PADI4: variants seen among roughly 807,000 people sequenced by gnomAD.
The protein encoded by PADI4 is protein-arginine deiminase type-4.
A neutral mutation model predicts 75.0 loss-of-function variants in PADI4; 62 were observed. The observed-to-expected ratio is 0.83, with a 90% CI of 0.67 to 1.02. The LOEUF is 1.02. PADI4 is among the 50% of genes least tolerant of loss of function. The pLI, the probability that PADI4 is intolerant of heterozygous loss-of-function variation, is 0.00. For synonymous variants in PADI4, 361 were observed against 348.1 expected (o/e 1.04, Z -0.41); for missense variants, 845 against 850.5 (o/e 0.99, Z 0.08).
At chr1:17,339,953 AGAC>A (rs2074385549) in intron 6 of PADI4, 140 bp downstream of exon 6, 2 of 854,588 alleles carry the variant, frequency 2.3e-6, no homozygotes, top group East Asian at 2.7e-5. Flanking sequence ...TGGGCAAGAC[AGAC>A]GACATCTCGT....
chr1:17,342,204 TG>T, intron 7 of PADI4, 83 bp downstream of exon 7: 1 of 1,477,022 alleles, frequency 6.8e-7, no homozygotes, highest in Non-Finnish European at 9.4e-7. Flanking sequence ...AGAGCCCAGC[TG>T]GGCAGGGGGA....
At chr1:17,347,314 A>G (rs1250965030) in intron 9 of PADI4, among the ~76,000 whole-genome samples, 1 of 152,136 alleles carries the variant, frequency 6.6e-6, no homozygotes, top group African/African-American at 2.4e-5. Flanking sequence ...CAAGAGTGGA[A>G]CTTTCATCTG....
At chr1:17,317,740 G>T (rs763576543) in intron 1 of PADI4, among the ~76,000 whole-genome samples, 4 of 152,158 alleles carry the variant, frequency 2.6e-5, no homozygotes, top group Admixed American at 6.5e-5. Context: ...ACAGATTGCT[G>T]CCGGGCACTG....
intron 10 of PADI4, among the ~76,000 whole-genome samples, chr1:17,351,988 AGG>A (rs1557576392): frequency 0.017 from 382 of 22,356 alleles, 34 homozygotes; most frequent in African/African-American, 0.073. Context: ...ATGGGAGGAG[AGG>A]CAGTCAGGGA....
At chr1:17,308,646 C>A (rs2477132) in intron 1 of PADI4, among the ~76,000 whole-genome samples, 141,266 of 152,238 alleles carry the variant, frequency 0.93, 66,451 homozygotes, top group East Asian at 1. Flanking sequence ...TCACACAGCA[C>A]GTGTGCCCTG....
At chr1:17,339,310 T>C (rs1259042171) in intron 5 of PADI4, among the ~76,000 whole-genome samples, 1 of 152,170 alleles carries the variant, frequency 6.6e-6, no homozygotes, top group Admixed American at 6.5e-5. Context: ...CTTTCACTCG[T>C]TCATTGCACA....
chr1:17,338,508 G>C (rs1635583), intron 5 of PADI4, among the ~76,000 whole-genome samples: 96,924 of 152,024 alleles, frequency 0.64, 31,107 homozygotes, highest in Non-Finnish European at 0.67. Flanking sequence ...ATCAGAGCAG[G>C]CCCTGAGACC....
At chr1:17,336,047 C>A in intron 3 of PADI4, 112 bp from the exon 4 acceptor site, 1 of 716,904 alleles carries the variant, frequency 1.4e-6, no homozygotes, top group East Asian at 2.7e-5. Flanking sequence ...GAGGGGCTCA[C>A]ACTATGGGTG....
intron 1 of PADI4, among the ~76,000 whole-genome samples, chr1:17,327,776 C>G (rs1222076389): frequency 6.6e-6 from 1 of 151,744 alleles, no homozygotes; most frequent in East Asian, 2.0e-4. Context: ...AAACTCCTAA[C>G]CTCAAGTGAT....
rs572552221 is a variant in PADI4, at chr1:17,332,133, C to T, written c.273+984C>T. Among the ~76,000 whole-genome samples the T allele has an allele frequency of 5.9e-5, 9 of 152,242 alleles. No individual in the cohort carries two copies. In the South Asian group the frequency reaches 1.0e-3, roughly 18 times the overall value. On this transcript the variant is annotated intron_variant, in intron 2 of 15. Transcript: ENST00000375448. ...TCTCACTCCAGTCTGCTTCCATGGT[C>T]GCACTGCCTCTGCCCCTTCTCTGTG...
rs1164904370 is a variant in PADI4 at position 17,351,944 on chromosome 1, ATGGGAGG to A, written c.1156-2581_1156-2575del. On this transcript the variant is annotated intron_variant, in intron 10 of 15. Transcript: ENST00000375448. ...AGTAGGAGAGGCGGTCAGGGAGGTGATGGGAGGTGGGAGGAGAGGCGGCCAGGGAGGT... is the reference window on the plus strand; with the variant it reads ...AGTAGGAGAGGCGGTCAGGGAGGTGATGGGAGGAGAGGCGGCCAGGGAGGT... Among the ~76,000 whole-genome samples, 21 of 143,476 alleles carry A rather than the reference ATGGGAGG, an allele frequency of 1.5e-4. No individual in the cohort carries two copies. The South Asian group carries it at 2.0e-3, about 13-fold the overall frequency. 94.1% of individuals were successfully genotyped at this position (143,476 alleles called of 152,430 possible).
Position 17,363,537 on chromosome 1 carries a change from C to G in PADI4, c.1774C>G (p.Leu592Val), listed in dbSNP as rs1188394970. The change falls in exon 16 of 16, where the codon CTA (leucine) becomes GTA (valine). Residue 592 changes from leucine to valine, a missense_variant. Transcript: ENST00000375448. ...TTCCCTGCAGGTGAACATGCTGGTG[C>G]TAGGGAAGCACCTGGGCATCCCCAA... ...FFPNMVNMLV[L>V]GKHLGIPKPF... The G allele has an allele frequency of 2.5e-6, 4 of 1,612,474 alleles. No homozygotes were observed. The highest frequency in any genetic ancestry group is 3.4e-6 in the Non-Finnish European group (4 of 1,178,794).
Position 17,356,159 on chromosome 1 carries a change from T to C in PADI4, c.1455+32T>C. On this transcript the variant is annotated intron_variant, in intron 12 of 15. Coordinates refer to ENST00000375448, the MANE Select transcript of PADI4 (RefSeq NM_012387.3). The surrounding 1 kb of genome is among the most constrained non-coding windows in gnomAD (Gnocchi z 4.1). The stretch of plus-strand genomic sequence containing the variant: ...TCTTGGGGGCTGCCTCAGGAAGCCA[T>C]GCCTCCTTCCTGGGTAGACCCTCTG... The C allele has an allele frequency of 1.2e-6, 2 of 1,607,966 alleles. No individual in the cohort carries two copies. The highest frequency in any genetic ancestry group is 1.3e-5 in the African/African-American group (1 of 74,920).
At chr1:17,351,418 C>T (rs2074617795) in intron 10 of PADI4, among the ~76,000 whole-genome samples, 1 of 147,444 alleles carries the variant, frequency 6.8e-6, no homozygotes, top group Admixed American at 6.8e-5. Flanking sequence ...TAGTCAAACC[C>T]TGTCTCTACA....
rs144009145 is a variant in PADI4, at chr1:17,347,988, C to G, written c.1095C>G (p.Pro365=). Residue 365 remains proline, a synonymous_variant, in exon 10 of 16, where the codon CCC becomes CCG. Coordinates refer to ENST00000375448, the MANE Select transcript of PADI4 (RefSeq NM_012387.3). ...TCCAAGCCCCACACAAAACGCTGCCCGTGGTCTTCGACTCTCCAAGGAACA... is the reference window on the plus strand; with the variant it reads ...TCCAAGCCCCACACAAAACGCTGCCGGTGGTCTTCGACTCTCCAAGGAACA... ...GYIQAPHKTL[P]VVFDSPRNRG... is the part of the protein sequence containing the mutation. 2 of 1,607,610 alleles carry G rather than the reference C, an allele frequency of 1.2e-6. No homozygotes were observed. The highest frequency in any genetic ancestry group is 2.2e-5 in the East Asian group (1 of 44,648).
At position 17,363,600 on chromosome 1, in the gene PADI4, G is replaced by A. The variant is rs2074878368; in HGVS notation, c.1837G>A (p.Glu613Lys). The change falls in exon 16 of 16, where the codon GAG becomes AAG. Residue 613 changes from glutamate to lysine, a missense_variant. Coordinates refer to ENST00000375448, the MANE Select transcript of PADI4 (RefSeq NM_012387.3). ...GPVINGRCCL[E>K]EKVCSLLEPL... ...CGTCATCAACGGCCGCTGCTGCCTGGAGGAGAAGGTGTGTTCCCTGCTGGA... is the reference window on the plus strand; with the variant it reads ...CGTCATCAACGGCCGCTGCTGCCTGAAGGAGAAGGTGTGTTCCCTGCTGGA... 1.2e-6 allele frequency: 2 copies of A among 1,614,202 alleles called. No individual in the cohort carries two copies. The highest frequency in any genetic ancestry group is 1.7e-6 in the Non-Finnish European group (2 of 1,180,016).
At chr1:17,324,476 CT>C (rs1557546620) in intron 1 of PADI4, among the ~76,000 whole-genome samples, 1 of 152,034 alleles carries the variant, frequency 6.6e-6, no homozygotes. Context: ...AATTTATTTT[CT>C]TTTTTAATTT....
chr1:17,363,714 A>AGAAGGGC lies in PADI4; in HGVS notation c.1954_1955insGGGCGAA (p.Lys652ArgfsTer63), dbSNP rs759472645. ...GGTGCACTGCGGCACCAACGTGCGC[A>AGAAGGGC]GAAAGCCCTTCTCCTTCAAGTGGTG... On this transcript the variant is annotated frameshift_variant, in exon 16 of 16. Coordinates refer to ENST00000375448, the MANE Select transcript of PADI4 (RefSeq NM_012387.3). LOFTEE classifies it high-confidence loss of function. The AGAAGGGC allele has an allele frequency of 6.2e-7, 1 of 1,614,196 alleles. No homozygotes were observed. Among genetic ancestry groups the AGAAGGGC allele is most frequent in the East Asian group, 2.2e-5 (1 of 44,880 alleles).
chr1:17,338,883 G>A (rs1225042022), intron 5 of PADI4, among the ~76,000 whole-genome samples: 1 of 152,210 alleles, frequency 6.6e-6, no homozygotes, highest in Non-Finnish European at 1.5e-5. Flanking sequence ...AGAAATGGAT[G>A]TATTTTCAAG....
Sources: allele counts gnomAD v4.1 joint callset (sites outside exome capture counted in the v4.1 genomes callset), GRCh38; gene constraint gnomAD v4.1.1; non-coding constraint Gnocchi (gnomAD v3.1); transcripts MANE v1.5; gene names NCBI Gene and HGNC (gene_info 2026-07-23, HGNC 2026-07-21).